The following USP15 variants were observed in gnomAD, a reference collection of about 807,000 sequenced individuals.
USP15 encodes the protein ubiquitin specific peptidase 15, also known as ubiquitin carboxyl-terminal hydrolase 15.
USP15 carries 18 observed loss-of-function variants against 127.1 expected under a neutral mutation model. That is an observed-to-expected ratio of 0.14 (90% CI 0.10 to 0.21). USP15 has a LOEUF of 0.21. Among genes scored for constraint, USP15 ranks in the 10% least tolerant of loss-of-function variants. The pLI, the probability that USP15 is intolerant of heterozygous loss-of-function variation, is 1.00. For missense variants in USP15, 805 were observed against 1,159.9 expected, an observed-to-expected ratio of 0.69 and a Z score of 4.44; for synonymous variants, 364 against 393.7, an observed-to-expected ratio of 0.92 and a Z score of 0.89.
At position 62,359,916 on chromosome 12, in the gene USP15, TATA is replaced by T. The variant is rs553280827; in HGVS notation, c.915+4446_915+4448del. Among the ~76,000 whole-genome samples the T allele has an allele frequency of 1.8e-3, 270 of 152,256 alleles. 1 individual carries two copies. The highest frequency in any genetic ancestry group is 6.4e-3 in the African/African-American group (266 of 41,554). Reference sequence around the variant, plus strand: ...CACCATGTCCCATTGGTTCAAATAATATAATAAGATAGTTTTCTAGTTCCCTAA... The same window carrying T: ...CACCATGTCCCATTGGTTCAAATAATATAAGATAGTTTTCTAGTTCCCTAA... On this transcript the variant is annotated intron_variant, in intron 8 of 21. Transcript: ENST00000280377.
At chr12:62,355,963 T>C (rs10431565) in intron 8 of USP15, among the ~76,000 whole-genome samples, 49,974 of 150,808 alleles carry the variant, frequency 0.33, 8,833 homozygotes, top group African/African-American at 0.46. Flanking sequence ...AGATAACTAC[T>C]TTTCCCCTGC....
rs542182858 is a variant in USP15, at chr12:62,294,465, A to G, written c.217+159A>G. Reference sequence around the variant, plus strand: ...CTCATTATTCTAATAAGTTATTAAAAATTTTATTAGTTATTATTCTGTATG... The same window carrying G: ...CTCATTATTCTAATAAGTTATTAAAGATTTTATTAGTTATTATTCTGTATG... On this transcript the variant is annotated intron_variant, in intron 2 of 21. Transcript: ENST00000280377. 1,033 of 709,516 alleles carry G rather than the reference A, an allele frequency of 1.5e-3. 2 individuals carry two copies. Among genetic ancestry groups the G allele is most frequent in the Non-Finnish European group, 2.0e-3 (936 of 472,988 alleles). 44.0% of individuals were successfully genotyped at this position (709,516 alleles called of 1,614,324 possible). A position where few individuals can be genotyped will look rare whatever the true frequency, so the allele number is the denominator to read the frequency against.
rs569173826 is a variant in USP15 at position 62,335,583 on chromosome 12, G to A, written c.683+9650G>A. ...ATGCCTAGCATAGTGCCACACATAT[G>A]GTAAACACCAGTTTATTATTTTTAT... On this transcript the variant is annotated intron_variant, in intron 6 of 21. Coordinates refer to ENST00000280377, the MANE Select transcript of USP15 (RefSeq NM_001252078.2). 2.8e-5 allele frequency: 28 copies of A among 1,015,672 alleles called. No homozygotes were observed. The South Asian group carries it at 8.7e-4, about 32-fold the overall frequency. 62.9% of individuals were successfully genotyped at this position (1,015,672 alleles called of 1,614,324 possible).
At chr12:62,386,369 T>C (rs544832403) in intron 11 of USP15, among the ~76,000 whole-genome samples, 2 of 152,152 alleles carry the variant, frequency 1.3e-5, no homozygotes, top group East Asian at 1.9e-4. Flanking sequence ...ATATATATTA[T>C]ATCTTAGGCT....
At chr12:62,297,585 T>C (rs1272681472) in intron 2 of USP15, among the ~76,000 whole-genome samples, 1 of 152,138 alleles carries the variant, frequency 6.6e-6, no homozygotes, top group Non-Finnish European at 1.5e-5. Context: ...AACAAATCCT[T>C]CTAATTAGGA....
intron 2 of USP15, among the ~76,000 whole-genome samples, chr12:62,300,139 G>GT (rs1467604965): frequency 5.9e-5 from 9 of 151,800 alleles, no homozygotes; most frequent in Non-Finnish European, 1.3e-4. Flanking sequence ...AAGCACAAAA[G>GT]TTTTTTAATT....
chr12:62,348,480 C>T (rs999386248), intron 6 of USP15, among the ~76,000 whole-genome samples: 3 of 152,096 alleles, frequency 2.0e-5, no homozygotes, highest in African/African-American at 4.8e-5. Flanking sequence ...CTTTTTACAG[C>T]CCCTTGCCTA....
chr12:62,312,731 A>G (rs2064719007), intron 3 of USP15, among the ~76,000 whole-genome samples: 1 of 151,670 alleles, frequency 6.6e-6, no homozygotes, highest in Non-Finnish European at 1.5e-5. Context: ...AATAGTTATA[A>G]TAATTAGGTA....
At position 62,321,491 on chromosome 12, in the gene USP15, T is replaced by C; in HGVS notation, c.503T>C (p.Ile168Thr). ...IDTIEKEIRK[I>T]FSIPDEKETR... ...ACAATTGAAAAGGAAATAAGAAAAA[T>C]CTTCAGTATTCCAGATGAAAAGGAG... The change falls in exon 5 of 22, where the codon ATC (isoleucine) becomes ACC (threonine). Residue 168 changes from isoleucine (I) to threonine (T), a missense_variant. Physicochemically the swap from Ile to Thr is moderately conservative, Grantham distance 89 (BLOSUM62 -1). Transcript: ENST00000280377. 3 of 1,594,104 alleles carry C rather than the reference T, an allele frequency of 1.9e-6. No individual in the cohort carries two copies. Among genetic ancestry groups the C allele is most frequent in the Non-Finnish European group, 2.6e-6 (3 of 1,168,666 alleles).
chr12:62,280,956 TA>T (rs537925789), intron 1 of USP15, among the ~76,000 whole-genome samples: 4 of 152,190 alleles, frequency 2.6e-5, no homozygotes, highest in Non-Finnish European at 5.9e-5. Context: ...TTTAAGTCCA[TA>T]AAAGAAACTC....
chr12:62,284,647 A>G (rs1385676554), intron 1 of USP15, among the ~76,000 whole-genome samples: 1 of 152,176 alleles, frequency 6.6e-6, no homozygotes, highest in African/African-American at 2.4e-5. Context: ...TATTACACAC[A>G]TGAGCTTTAA....
In USP15 at chr12:62,406,020, CAG is replaced by C. The variant is rs2067858825; in HGVS notation, c.*1648_*1649del. The C allele has an allele frequency of 6.8e-6, 1 of 146,398 alleles. No individual in the cohort carries two copies. The highest frequency in any genetic ancestry group is 7.0e-5 in the Admixed American group (1 of 14,358). 9.1% of individuals were successfully genotyped at this position (146,398 alleles called of 1,614,324 possible). ...TAATGTAAACTAACCTCCTGCATGA[CAG>C]AGGTTAAAATTTTGTCTGCACTTGA... On this transcript the variant is annotated 3_prime_UTR_variant, in exon 22 of 22. Coordinates refer to ENST00000280377, the MANE Select transcript of USP15 (RefSeq NM_001252078.2).
chr12:62,328,474 G>A, intron 6 of USP15: 5 of 197,398 alleles, frequency 2.5e-5, no homozygotes, highest in East Asian at 1.3e-4. Context: ...TTTATCATGA[G>A]AAACCCACTT....
intron 5 of USP15, among the ~76,000 whole-genome samples, chr12:62,322,259 C>G (rs1362749968): frequency 2.6e-5 from 4 of 152,194 alleles, no homozygotes; most frequent in Non-Finnish European, 4.4e-5. Context: ...TCTTGAGTAG[C>G]TGGGACTGCA....
At chr12:62,285,792 G>C (rs1445620585) in intron 1 of USP15, among the ~76,000 whole-genome samples, 1 of 151,958 alleles carries the variant, frequency 6.6e-6, no homozygotes, top group Non-Finnish European at 1.5e-5. Context: ...TTTCCTTTGG[G>C]TATATACCTA....
At chr12:62,306,476 T>C (rs2064486443) in intron 3 of USP15, among the ~76,000 whole-genome samples, 1 of 152,150 alleles carries the variant, frequency 6.6e-6, no homozygotes, top group African/African-American at 2.4e-5. Context: ...AAAGTCTTAC[T>C]GGAAACTGGT....
Position 62,384,178 on chromosome 12 carries a change from A to T in USP15, c.1349A>T (p.Glu450Val). ...TTCAAATCAACTTTAGTTTGTCCTG[A>T]GTGTGCTAAGATTTCAGTAACATTT... ...GLFKSTLVCP[E>V]CAKISVTFDP... Residue 450 changes from glutamate (E) to valine (V), a missense_variant, in exon 11 of 22, where the codon GAG (glutamate) becomes GTG (valine). By Grantham distance (121) the Glu-to-Val change is moderately radical. Transcript: ENST00000280377. 11 of 1,613,040 alleles carry T rather than the reference A, an allele frequency of 6.8e-6. No individual in the cohort carries two copies. Among genetic ancestry groups the T allele is most frequent in the Non-Finnish European group, 8.5e-6 (10 of 1,179,324 alleles).
At chr12:62,350,039 A>G (rs1345852725) in intron 7 of USP15, among the ~76,000 whole-genome samples, 1 of 151,866 alleles carries the variant, frequency 6.6e-6, no homozygotes, top group East Asian at 1.9e-4. Context: ...TGACATGTAT[A>G]GTGCCTTTTA....
chr12:62,314,795 T>C lies in USP15; in HGVS notation c.354T>C (p.Val118=). 2 of 1,563,932 alleles carry C rather than the reference T, an allele frequency of 1.3e-6. No homozygotes were observed. Among genetic ancestry groups the C allele is most frequent in the Non-Finnish European group, 8.7e-7 (1 of 1,154,828 alleles). ...GTTTTGTTTCATTATTTTAGGTGGT[T>C]GAACAGGGTATGTTTGTAAAGCACT... ...EGQEPIARKV[V]EQGMFVKHCK... Residue 118 remains valine (V), a synonymous_variant, in exon 4 of 22, where the codon GTT becomes GTC. Transcript: ENST00000280377.
Sources: allele counts gnomAD v4.1 joint callset (sites outside exome capture counted in the v4.1 genomes callset), GRCh38; gene constraint gnomAD v4.1.1; transcripts MANE v1.5; gene names NCBI Gene and HGNC (gene_info 2026-07-23, HGNC 2026-07-21).